Variants in AP2B1 observed in about 807,000 individuals in gnomAD.
The protein encoded by AP2B1 is adaptor related protein complex 2 subunit beta 1.
A neutral mutation model predicts 102.0 loss-of-function variants in AP2B1; 23 were observed. The ratio of observed to expected loss-of-function variants is 0.23; its 90% CI spans 0.16 to 0.32. AP2B1 has a LOEUF of 0.32. Ranked by LOEUF, AP2B1 falls within the 10% of genes least tolerant of loss-of-function variation. AP2B1 has a pLI of 1.00. For synonymous variants in AP2B1, 381 were observed against 421.2 expected (o/e 0.90, Z 1.17); for missense variants, 541 against 1,157.4 (o/e 0.47, Z 7.73).
intron 1 of AP2B1, chr17:35,587,796 TGA>T (rs1222378662): frequency 6.6e-6 from 1 of 152,266 alleles, no homozygotes; most frequent in Non-Finnish European, 1.5e-5. Flanking sequence ...CGTCGTTCAC[TGA>T]GAGGCTGAGA....
chr17:35,698,776 A>G (rs889765296), intron 18 of AP2B1, among the ~76,000 whole-genome samples: 1 of 152,208 alleles, frequency 6.6e-6, no homozygotes, highest in Non-Finnish European at 1.5e-5. Context: ...TTGAGAATCT[A>G]TTTCAGTTGC....
At chr17:35,605,862 A>G (rs1598009098) in intron 4 of AP2B1, 22 bp downstream of exon 4, 13 of 1,602,472 alleles carry the variant, frequency 8.1e-6, no homozygotes, top group South Asian at 1.1e-5. Context: ...CAAGGCCTCA[A>G]TAACAGAGTT....
At chr17:35,641,835 C>T (rs1184067075) in intron 11 of AP2B1, 42 bp from the exon 12 acceptor site, 1 of 1,427,034 alleles carries the variant, frequency 7.0e-7, no homozygotes. Context: ...GGAATAATGC[C>T]AGTGCCATTC....
intron 5 of AP2B1, among the ~76,000 whole-genome samples, chr17:35,613,007 A>G (rs912768326): frequency 6.6e-6 from 1 of 151,802 alleles, no homozygotes; most frequent in Non-Finnish European, 1.5e-5. Flanking sequence ...AGAAAAAAAA[A>G]ATGAAAGATA....
intron 20 of AP2B1, among the ~76,000 whole-genome samples, chr17:35,715,750 A>G (rs2076538992): frequency 6.6e-6 from 1 of 152,180 alleles, no homozygotes; most frequent in African/African-American, 2.4e-5. Context: ...ATGTACCCTG[A>G]GATACATTTT....
chr17:35,619,143 T>C (rs1217914833), intron 5 of AP2B1, among the ~76,000 whole-genome samples: 2 of 152,220 alleles, frequency 1.3e-5, no homozygotes, highest in African/African-American at 4.8e-5. Context: ...CCTTTCTGGC[T>C]GTGTTGACCC....
intron 5 of AP2B1, among the ~76,000 whole-genome samples, chr17:35,616,253 C>T (rs1355922706): frequency 7.3e-6 from 1 of 137,216 alleles, no homozygotes. Flanking sequence ...CAAGCTCCGC[C>T]TCCCGGGTTC....
At chr17:35,674,846 A>T (rs995092291) in intron 17 of AP2B1, among the ~76,000 whole-genome samples, 3 of 152,334 alleles carry the variant, frequency 2.0e-5, no homozygotes, top group African/African-American at 7.2e-5. Context: ...CGATGAAGAA[A>T]CCAGAACTTA....
Position 35,717,285 on chromosome 17 carries a change from A to G in AP2B1, c.2717A>G (p.Lys906Arg). 6.2e-7 allele frequency: 1 copy of G among 1,614,190 alleles called. No homozygotes were observed. The highest frequency in any genetic ancestry group is 8.5e-7 in the Non-Finnish European group (1 of 1,180,016). The part of the protein sequence containing the change: ...EGQDMLYQSL[K>R]LTNGIWILAE... ...CAGGACATGCTGTACCAATCCCTGA[A>G]GCTCACTAATGGCATTTGGATTTTG... Residue 906 changes from lysine (K) to arginine (R), a missense_variant, in exon 21 of 22, where the codon AAG (lysine) becomes AGG (arginine). Physicochemically the swap from Lys to Arg is conservative, Grantham distance 26 (BLOSUM62 2). Transcript: ENST00000610402.
At chr17:35,670,289 T>C (rs990483348) in intron 14 of AP2B1, among the ~76,000 whole-genome samples, 1 of 152,258 alleles carries the variant, frequency 6.6e-6, no homozygotes, top group African/African-American at 2.4e-5. Context: ...TTCCAAACTC[T>C]AAAAATCACT....
chr17:35,613,139 G>C (rs1418242982), intron 5 of AP2B1, among the ~76,000 whole-genome samples: 1 of 151,072 alleles, frequency 6.6e-6, no homozygotes, highest in Non-Finnish European at 1.5e-5. Flanking sequence ...TGGCAGCACT[G>C]CACCAGCACA....
chr17:35,675,479 A>G (rs902028254), intron 17 of AP2B1, among the ~76,000 whole-genome samples: 2 of 152,198 alleles, frequency 1.3e-5, no homozygotes, highest in African/African-American at 4.8e-5. Flanking sequence ...AAGACTACCA[A>G]TGTTTCCAGC....
At chr17:35,597,208 G>A in intron 2 of AP2B1, 1 of 428,112 alleles carries the variant, frequency 2.3e-6, no homozygotes, top group Non-Finnish European at 4.3e-6. Context: ...GTGGAGGAAA[G>A]TCTTTTGAGG....
intron 9 of AP2B1, among the ~76,000 whole-genome samples, chr17:35,632,907 T>G (rs779337106): frequency 6.6e-6 from 1 of 151,714 alleles, no homozygotes; most frequent in Non-Finnish European, 1.5e-5. Context: ...TTCTACATAC[T>G]ACATAATTTA....
intron 18 of AP2B1, among the ~76,000 whole-genome samples, chr17:35,684,450 A>G (rs998188175): frequency 4.6e-5 from 7 of 152,376 alleles, no homozygotes; most frequent in Middle Eastern, 3.4e-3. Context: ...TCTTGGAGGT[A>G]AAACTAAACA....
chr17:35,600,044 CAGAA>C (rs937801167), intron 3 of AP2B1, among the ~76,000 whole-genome samples: 71 of 152,270 alleles, frequency 4.7e-4, no homozygotes, highest in African/African-American at 1.5e-3. Flanking sequence ...TGTGTGGACT[CAGAA>C]AGAGGAAAAC....
At chr17:35,594,185 C>G (rs1597962591) in intron 2 of AP2B1, 118 bp downstream of exon 2, 1 of 605,392 alleles carries the variant, frequency 1.7e-6, no homozygotes, top group Non-Finnish European at 2.9e-6. Context: ...GACAATCTCA[C>G]TGGACATCTA....
At chr17:35,668,147 G>T (rs1035980814) in intron 14 of AP2B1, among the ~76,000 whole-genome samples, 8 of 151,990 alleles carry the variant, frequency 5.3e-5, no homozygotes, top group Non-Finnish European at 1.0e-4. Flanking sequence ...ATATTGGTCA[G>T]GCTGGTCTTG....
chr17:35,717,451 A>G, intron 21 of AP2B1, 102 bp downstream of exon 21: 1 of 1,305,032 alleles, frequency 7.7e-7, no homozygotes, highest in Admixed American at 2.2e-5. Flanking sequence ...AGGTGCTTTA[A>G]ACCTGAGATA....
Sources: gnomAD v4.1 joint callset for allele counts (sites outside exome capture counted in the v4.1 genomes callset) on GRCh38, gnomAD v4.1.1 for gene constraint, MANE v1.5 for transcripts, NCBI Gene and HGNC (gene_info 2026-07-23, HGNC 2026-07-21) for gene names.